The following SATB1 variants were observed in gnomAD, a reference collection of about 807,000 sequenced individuals.
The protein encoded by SATB1 is SATB homeobox 1.
Under a neutral mutation model 86.9 loss-of-function variants are expected in SATB1, and 11 were observed. The observed-to-expected ratio is 0.13, with a 90% confidence interval of 0.08 to 0.21. The LOEUF (loss-of-function observed/expected upper bound fraction) is 0.21. Ranked by LOEUF, SATB1 falls within the 10% of genes least tolerant of loss-of-function variation. The probability of loss-of-function intolerance (pLI) is 1.00; values close to 1 mark genes in which losing one functional copy is unlikely to be tolerated. For synonymous variants in SATB1, 357 were observed against 357.2 expected (o/e 1.00, Z 0.01); for missense variants, 551 against 937.6 (o/e 0.59, Z 5.39).
At position 18,444,737 on chromosome 3, in the gene SATB1, C is replaced by A; in HGVS notation, c.-25+781G>T. 6.4e-6 allele frequency: 5 copies of A among 783,678 alleles called. No homozygotes were observed. The highest frequency in any genetic ancestry group is 7.7e-6 in the Non-Finnish European group (5 of 646,106). The allele number at this position is 783,678 out of a possible 1,614,324, so 48.5% of individuals were successfully genotyped here. On this transcript the variant is annotated intron_variant, in intron 1 of 3. Transcript: ENST00000415069. This position sits in a 1 kb window ranked among gnomAD's most constrained non-coding sequence, Gnocchi z 5.1. ...TCTGCCTCTCCTGCCGCCGCCGCCG[C>A]CGCCGGAGCTGCGGCTGCCGCGGAA... is the stretch of plus-strand genomic sequence containing the variant.
intron 2 of SATB1, among the ~76,000 whole-genome samples, chr3:18,419,481 A>G (rs942079855): frequency 6.6e-6 from 1 of 152,202 alleles, no homozygotes; most frequent in African/African-American, 2.4e-5. Flanking sequence ...ATCCTTGTCT[A>G]AAACTGTCCT....
At chr3:18,439,995 AAATC>A (rs1464405558), upstream of SATB1, among the ~76,000 whole-genome samples, 1 of 152,218 alleles carries the variant, frequency 6.6e-6, no homozygotes, top group Admixed American at 6.5e-5. Context: ...GTCAATCAAT[AAATC>A]AATCAATGAG....
In SATB1 at chr3:18,349,783, CTTCT is replaced by C; in HGVS notation, c.1780-105_1780-102del. 1 of 1,458,590 alleles carries C rather than the reference CTTCT, an allele frequency of 6.9e-7. No individual in the cohort carries two copies. 90.4% of individuals were successfully genotyped at this position (1,458,590 alleles called of 1,614,324 possible). ...ATGTGGTCCCGGATCCTACATATAG[CTTCT>C]TTGATAGGGATGAAGATTTAGAAAG... On this transcript the variant is annotated intron_variant, in intron 10 of 10. Coordinates refer to ENST00000338745, the MANE Select transcript of SATB1 (RefSeq NM_002971.6). This position sits in a 1 kb window ranked among gnomAD's most constrained non-coding sequence, Gnocchi z 5.5.
chr3:18,398,919 C>G (rs545141870), intron 5 of SATB1, among the ~76,000 whole-genome samples: 2 of 152,158 alleles, frequency 1.3e-5, no homozygotes, highest in African/African-American at 2.4e-5. Context: ...GATCTGTCAG[C>G]TTCAATCTCA....
At chr3:18,439,096 G>A (rs1699164620), upstream of SATB1, among the ~76,000 whole-genome samples, 1 of 152,130 alleles carries the variant, frequency 6.6e-6, no homozygotes, top group African/African-American at 2.4e-5. Context: ...TTGATTACAA[G>A]CCACTTCTCT....
chr3:18,415,810 T>TG (rs542837624), intron 4 of SATB1, among the ~76,000 whole-genome samples, 197 bp downstream of exon 4: 56 of 151,860 alleles, frequency 3.7e-4, no homozygotes, highest in African/African-American at 9.2e-4. Context: ...TTTGTGTGTG[T>TG]GGGGGGGGGG....
intron 2 of SATB1, among the ~76,000 whole-genome samples, chr3:18,432,892 C>G (rs899742126): frequency 3.3e-5 from 5 of 152,006 alleles, no homozygotes; most frequent in Non-Finnish European, 2.9e-5. Context: ...TGCCAAGCCT[C>G]AGAGAAACAA....
chr3:18,392,564 TAC>T (rs1211820624), intron 7 of SATB1, among the ~76,000 whole-genome samples: 2 of 112,338 alleles, frequency 1.8e-5, no homozygotes, highest in Admixed American at 8.8e-5. Context: ...TACATATATA[TAC>T]ACACACATAC....
upstream of SATB1, among the ~76,000 whole-genome samples, chr3:18,426,519 A>G (rs542513615): frequency 4.9e-4 from 75 of 152,378 alleles, no homozygotes; most frequent in African/African-American, 1.8e-3. The surrounding 1 kb of genome is among the most constrained non-coding windows in gnomAD (Gnocchi z 4.2). Context: ...TCATTACCAC[A>G]TAAGTATGAT....
At chr3:18,429,585 C>T (rs1235314074), upstream of SATB1, among the ~76,000 whole-genome samples, 7 of 152,224 alleles carry the variant, frequency 4.6e-5, no homozygotes, top group Non-Finnish European at 2.9e-5. The surrounding 1 kb of genome is among the most constrained non-coding windows in gnomAD (Gnocchi z 4.1). Context: ...ACTCTGAGAG[C>T]TGTGCCTCCT....
At chr3:18,422,459 C>T (rs190475993) in intron 1 of SATB1, among the ~76,000 whole-genome samples, 13 of 152,268 alleles carry the variant, frequency 8.5e-5, no homozygotes, top group Admixed American at 5.2e-4. Flanking sequence ...CTTTGTACTC[C>T]AGAGTGGCAC....
chr3:18,353,745 G>A (rs1434625688), intron 9 of SATB1, among the ~76,000 whole-genome samples: 1 of 152,122 alleles, frequency 6.6e-6, no homozygotes, highest in Non-Finnish European at 1.5e-5. Context: ...TATTTTAAAA[G>A]AAAAGGTAGA....
In SATB1 at chr3:18,416,922, C is replaced by T; in HGVS notation, c.368G>A (p.Ser123Asn). Residue 123 changes from serine to asparagine, a missense_variant, in exon 3 of 11, where the codon AGC becomes AAC. Around this residue, in one of 8 missense-constraint regions of SATB1, gnomAD observed 153 missense variants for 258.1 expected, o/e 0.59. Transcript: ENST00000338745. ...MALLSLGYSH[S>N]SAAQAKGLIQ... ...TTTACCTTTGGCCTGGGCAGCAGAG[C>T]TATGTGAATAACCTAGAGACAGCAA... The T allele has an allele frequency of 6.2e-7, 1 of 1,612,046 alleles. No individual in the cohort carries two copies. The highest frequency in any genetic ancestry group is 1.3e-5 in the African/African-American group (1 of 74,884).
chr3:18,388,325 CA>C (rs200115186), intron 7 of SATB1, among the ~76,000 whole-genome samples: 41 of 144,194 alleles, frequency 2.8e-4, no homozygotes, highest in Admixed American at 4.1e-4. Flanking sequence ...ATTCAGGTCT[CA>C]AAAAAAAAAA....
At chr3:18,362,876 A>AC (rs1470338792) in intron 9 of SATB1, among the ~76,000 whole-genome samples, 3 of 147,928 alleles carry the variant, frequency 2.0e-5, no homozygotes, top group Non-Finnish European at 1.5e-5. Flanking sequence ...AAAAAAAAAA[A>AC]AAAAACCAAA....
At chr3:18,392,535 CTA>C (rs892287000) in intron 7 of SATB1, among the ~76,000 whole-genome samples, 6 of 151,284 alleles carry the variant, frequency 4.0e-5, no homozygotes. Context: ...ACACCAGTAA[CTA>C]TATATATACA....
At chr3:18,432,746 C>T (rs990747671) in intron 2 of SATB1, among the ~76,000 whole-genome samples, 18 of 151,262 alleles carry the variant, frequency 1.2e-4, no homozygotes, top group Non-Finnish European at 2.5e-4. Flanking sequence ...AATTGTACAC[C>T]TAGAAACAGT....
chr3:18,421,050 G>T, intron 1 of SATB1, 59 bp from the exon 2 acceptor site: 1 of 1,147,984 alleles, frequency 8.7e-7, no homozygotes, highest in Non-Finnish European at 1.3e-6. Flanking sequence ...GTGTATATAT[G>T]TGTCCTATGT....
upstream of SATB1, among the ~76,000 whole-genome samples, chr3:18,439,929 A>T (rs1699192849): frequency 6.6e-6 from 1 of 152,238 alleles, no homozygotes; most frequent in Non-Finnish European, 1.5e-5. Flanking sequence ...AGGATGGCAG[A>T]TTAACAAGAA....
Sources: gnomAD v4.1 joint callset for allele counts (sites outside exome capture counted in the v4.1 genomes callset) on GRCh38, gnomAD v4.1.1 for gene constraint, gnomAD v4.1.1 regional missense constraint, Gnocchi (gnomAD v3.1) non-coding constraint, MANE v1.5 for transcripts, NCBI Gene and HGNC (gene_info 2026-07-23, HGNC 2026-07-21) for gene names.